The following MFN1 variants were observed in gnomAD, a reference collection of about 807,000 sequenced individuals.
MFN1 encodes the protein mitofusin 1.
In MFN1, 65 loss-of-function variants were observed where a neutral mutation model predicts 92.4. The ratio of observed to expected loss-of-function variants is 0.70; its 90% CI spans 0.58 to 0.86. The LOEUF is 0.86. MFN1 is among the 40% of genes least tolerant of loss of function. The pLI, the probability that MFN1 is intolerant of heterozygous loss-of-function variation, is 0.00. For missense variants in MFN1, 781 were observed against 868.0 expected (o/e 0.90, Z 1.26); for synonymous variants, 297 against 300.9 (o/e 0.99, Z 0.13).
Position 179,377,600 on chromosome 3 carries a change from A to C in MFN1, c.1329+152A>C, listed in dbSNP as rs367898409. 6 of 513,850 alleles carry C rather than the reference A, an allele frequency of 1.2e-5. No homozygotes were observed. The East Asian group carries it at 1.8e-4, about 16-fold the overall frequency. 31.8% of individuals were successfully genotyped at this position (513,850 alleles called of 1,614,324 possible). A position where few individuals can be genotyped will look rare whatever the true frequency, so the allele number is the denominator to read the frequency against. On this transcript the variant is annotated intron_variant, in intron 12 of 17. Coordinates refer to ENST00000471841, the MANE Select transcript of MFN1 (RefSeq NM_033540.3). ...TTGTAATAAATGTAAACTGTCTTGT[A>C]TAAAAAGTAAATAGAAAATTTATAC...
intron 14 of MFN1, among the ~76,000 whole-genome samples, chr3:179,379,455 G>A (rs1417245706): frequency 6.6e-6 from 1 of 152,166 alleles, no homozygotes; most frequent in African/African-American, 2.4e-5. Flanking sequence ...CCGGGTTCAT[G>A]CGATTCTCCT....
chr3:179,364,008 A>G (rs1004192838), intron 5 of MFN1, among the ~76,000 whole-genome samples: 1 of 152,046 alleles, frequency 6.6e-6, no homozygotes, highest in African/African-American at 2.4e-5. Context: ...TGCTTAAATC[A>G]TCTCTGAGCC....
chr3:179,368,718 G>A (rs566489643), intron 9 of MFN1, among the ~76,000 whole-genome samples: 2 of 152,308 alleles, frequency 1.3e-5, no homozygotes, highest in African/African-American at 4.8e-5. Flanking sequence ...TGCATTGTAA[G>A]TGTTTTTATT....
chr3:179,371,405 C>G (rs1019935466), intron 9 of MFN1, among the ~76,000 whole-genome samples: 1 of 151,952 alleles, frequency 6.6e-6, no homozygotes, highest in African/African-American at 2.4e-5. Context: ...CACAGCTACC[C>G]CAGAGGCTGA....
chr3:179,366,335 G>T (rs893972023), intron 7 of MFN1, among the ~76,000 whole-genome samples: 8 of 151,274 alleles, frequency 5.3e-5, no homozygotes, highest in Non-Finnish European at 7.4e-5. Flanking sequence ...GCTTGGTGTC[G>T]ATTTATACTC....
chr3:179,389,139 T>C (rs1241571939), intron 16 of MFN1, among the ~76,000 whole-genome samples: 2 of 152,114 alleles, frequency 1.3e-5, no homozygotes, highest in African/African-American at 4.8e-5. Flanking sequence ...TTGAGGAATT[T>C]GTTCATTTAT....
At chr3:179,360,519 A>C (rs1025625070) in intron 4 of MFN1, among the ~76,000 whole-genome samples, 1 of 151,188 alleles carries the variant, frequency 6.6e-6, no homozygotes, top group African/African-American at 2.4e-5. Flanking sequence ...ACCTTTCATA[A>C]ATTTCTCAAT....
chr3:179,349,518 T>C (rs961639382), intron 2 of MFN1, among the ~76,000 whole-genome samples: 3 of 151,886 alleles, frequency 2.0e-5, no homozygotes, highest in African/African-American at 4.8e-5. Context: ...ACTTCTTTTT[T>C]TTTTTTTTGA....
In MFN1 at chr3:179,368,070, AC is replaced by A; in HGVS notation, c.943del (p.Gln315ArgfsTer19). ...ALAEGFHARL[Q>X]EFQNFEQIFE... ...TTGCTGAAGGATTTCATGCAAGATT[AC>A]AGGAATTTCAGAATTTTGAACAAAT... On this transcript the variant is annotated frameshift_variant, in exon 9 of 18. Transcript: ENST00000471841. LOFTEE classifies it high-confidence loss of function. 6.3e-7 allele frequency: 1 copy of A among 1,574,980 alleles called. No homozygotes were observed. Among genetic ancestry groups the A allele is most frequent in the Admixed American group, 1.8e-5 (1 of 56,696 alleles).
chr3:179,351,681 T>C (rs1001043711), intron 2 of MFN1, among the ~76,000 whole-genome samples: 1 of 152,182 alleles, frequency 6.6e-6, no homozygotes, highest in African/African-American at 2.4e-5. Context: ...AGAAGTCCAC[T>C]TTTGACTGTG....
intron 3 of MFN1, among the ~76,000 whole-genome samples, chr3:179,352,852 A>G (rs1425519523): frequency 1.3e-5 from 2 of 151,930 alleles, no homozygotes; most frequent in African/African-American, 4.8e-5. Context: ...CCCGGGTTCA[A>G]GCGATTCTCC....
In MFN1 at chr3:179,392,721, A is replaced by C. The variant is rs1439074674; in HGVS notation, c.*662A>C. ...CATTTTCAGCTTTGCTCCCATTATG[A>C]TTCCAATAAGGAACGCTTTCCTAGT... On this transcript the variant is annotated 3_prime_UTR_variant, in exon 18 of 18. Coordinates refer to ENST00000471841, the MANE Select transcript of MFN1 (RefSeq NM_033540.3). 4 of 152,210 alleles carry C rather than the reference A, an allele frequency of 2.6e-5. No individual in the cohort carries two copies. The highest frequency in any genetic ancestry group is 5.9e-5 in the Non-Finnish European group (4 of 68,042). 9.4% of individuals were successfully genotyped at this position (152,210 alleles called of 1,614,324 possible). A position where few individuals can be genotyped will look rare whatever the true frequency, so the allele number is the denominator to read the frequency against.
chr3:179,361,624 C>T (rs7615773), intron 4 of MFN1, among the ~76,000 whole-genome samples: 9,140 of 151,638 alleles, frequency 0.06, 903 homozygotes, highest in African/African-American at 0.2. Flanking sequence ...GCAACCTTCA[C>T]CTCCTGGGTT....
At chr3:179,358,150 G>GT (rs771740459) in intron 3 of MFN1, among the ~76,000 whole-genome samples, 71,160 of 119,528 alleles carry the variant, frequency 0.6, 22,796 homozygotes, top group South Asian at 0.71. Flanking sequence ...CACTCATTTT[G>GT]TTTTTTTTTT....
intron 9 of MFN1, among the ~76,000 whole-genome samples, chr3:179,368,878 ATTATTC>A (rs1712909913): frequency 6.6e-6 from 1 of 152,216 alleles, no homozygotes; most frequent in Non-Finnish European, 1.5e-5. Flanking sequence ...TCAGTCTGTA[ATTATTC>A]TTATAAGTAG....
intron 5 of MFN1, among the ~76,000 whole-genome samples, chr3:179,363,736 G>T (rs1193307660): frequency 1.3e-5 from 2 of 151,932 alleles, no homozygotes; most frequent in African/African-American, 4.8e-5. Context: ...TCAAACTCCC[G>T]CCTTGGCATC....
At position 179,394,303 on chromosome 3, in the gene MFN1, G is replaced by T. The variant is rs188161080; in HGVS notation, c.*2244G>T. 1 of 151,928 alleles carries T rather than the reference G, an allele frequency of 6.6e-6. No individual in the cohort carries two copies. Among genetic ancestry groups the T allele is most frequent in the African/African-American group, 2.4e-5 (1 of 41,326 alleles). 9.4% of individuals were successfully genotyped at this position (151,928 alleles called of 1,614,324 possible). On this transcript the variant is annotated 3_prime_UTR_variant, in exon 18 of 18. Coordinates refer to ENST00000471841, the MANE Select transcript of MFN1 (RefSeq NM_033540.3). The stretch of plus-strand genomic sequence containing the variant: ...TGAAATTGGGGTACCACTGGTATTA[G>T]GTTTGGTATGGCAACTTTTTCATCA...
chr3:179,358,889 G>A lies in MFN1; in HGVS notation c.298G>A (p.Val100Ile). ...TATCAATGCAATGTTGTGGGATAAAGTTCTCCCTAGTGGGATTGGCCATAT... is the reference window on the plus strand; with the variant it reads ...TATCAATGCAATGTTGTGGGATAAAATTCTCCCTAGTGGGATTGGCCATAT... ...SVINAMLWDK[V>I]LPSGIGHITN... The change falls in exon 4 of 18, where the codon GTT becomes ATT. Residue 100 changes from valine to isoleucine, a missense_variant. Physicochemically the swap from Val to Ile is conservative, Grantham distance 29. Transcript: ENST00000471841. 1 of 1,614,042 alleles carries A rather than the reference G, an allele frequency of 6.2e-7. No individual in the cohort carries two copies.
At chr3:179,384,336 G>A (rs142517286) in intron 14 of MFN1, among the ~76,000 whole-genome samples, 194 of 152,164 alleles carry the variant, frequency 1.3e-3, no homozygotes, top group African/African-American at 4.6e-3. Flanking sequence ...GAGTATATAC[G>A]TAGGTTCTAA....
Sources: gnomAD v4.1 joint callset for allele counts (sites outside exome capture counted in the v4.1 genomes callset) on GRCh38, gnomAD v4.1.1 for gene constraint, MANE v1.5 for transcripts, NCBI Gene and HGNC (gene_info 2026-07-23, HGNC 2026-07-21) for gene names.